Variants in FGF12 observed in about 807,000 individuals in gnomAD.
FGF12 encodes the protein fibroblast growth factor 12, also known as fibroblast growth factor 12B.
Under a neutral mutation model 23.6 loss-of-function variants are expected in FGF12, and 14 were observed. That is an observed-to-expected ratio of 0.59 (90% CI 0.39 to 0.93). FGF12 has a LOEUF of 0.93. Ranked by LOEUF, FGF12 falls within the 40% of genes least tolerant of loss-of-function variation. The probability of loss-of-function intolerance (pLI) is 0.00; values close to 1 mark genes in which losing one functional copy is unlikely to be tolerated. For missense variants in FGF12, 175 were observed against 217.8 expected (o/e 0.80, Z 1.24); for synonymous variants, 62 against 77.3 (o/e 0.80, Z 1.04).
chr3:192,356,539 C>G (rs958966575), intron 3 of FGF12, among the ~76,000 whole-genome samples: 1 of 152,136 alleles, frequency 6.6e-6, no homozygotes, highest in African/African-American at 2.4e-5. Context: ...CAGTTTTGTG[C>G]TTTTTATCAT....
In FGF12 at chr3:192,198,856, A is replaced by G. The variant is rs564580580; in HGVS notation, c.229-28200T>C. Among the ~76,000 whole-genome samples the G allele has an allele frequency of 8.5e-5, 13 of 152,354 alleles. No homozygotes were observed. The South Asian group carries it at 2.3e-3, about 27-fold the overall frequency. Reference sequence around the variant, plus strand: ...TGTTTACTCAGCTTCTCTGGACACTACCAGAGACACAGCTCTTAGTGGCTT... The same window carrying G: ...TGTTTACTCAGCTTCTCTGGACACTGCCAGAGACACAGCTCTTAGTGGCTT... On this transcript the variant is annotated intron_variant, in intron 4 of 5. Transcript: ENST00000445105.
intron 2 of FGF12, among the ~76,000 whole-genome samples, chr3:192,484,439 T>C (rs913332794): frequency 3.3e-5 from 5 of 152,062 alleles, no homozygotes; most frequent in Non-Finnish European, 7.4e-5. Flanking sequence ...TGATAAAATA[T>C]GCTGATTACA....
At chr3:192,185,371 T>C (rs1464974065) in intron 4 of FGF12, among the ~76,000 whole-genome samples, 1 of 152,194 alleles carries the variant, frequency 6.6e-6, no homozygotes, top group South Asian at 2.1e-4. Context: ...AGCTAATGAA[T>C]GGAGGAGTCT....
intron 2 of FGF12, among the ~76,000 whole-genome samples, chr3:192,546,813 G>A (rs1201117228): frequency 6.6e-6 from 1 of 152,218 alleles, no homozygotes; most frequent in Non-Finnish European, 1.5e-5. Context: ...ACTTTGGGAG[G>A]CTGAGGTGGG....
At position 192,378,019 on chromosome 3, in the gene FGF12, CTCTTTCTTTTCTTTCTTTCTT is replaced by C. The variant is rs1560091585; in HGVS notation, c.14-17502_14-17482del. 1.1e-4 allele frequency among the ~76,000 whole-genome samples: 9 copies of C among 81,506 alleles called. 2 individuals carry two copies. The highest frequency in any genetic ancestry group is 5.2e-4 in the African/African-American group (9 of 17,272). The allele number at this position is 81,506 out of a possible 152,430, so 53.5% of individuals were successfully genotyped here. ...ATTAGACGAGATCCCTTTCTTCTGA[CTCTTTCTTTTCTTTCTTTCTT>C]TCTTTCTTTCTTTCTTTCTTTCTTT... On this transcript the variant is annotated intron_variant, in intron 2 of 5. Coordinates refer to ENST00000445105, the MANE Select transcript of FGF12 (RefSeq NM_004113.6).
chr3:192,509,834 T>TAACTGAAAACAGGCTTC (rs1202919606), intron 2 of FGF12, among the ~76,000 whole-genome samples: 1 of 152,226 alleles, frequency 6.6e-6, no homozygotes, highest in Non-Finnish European at 1.5e-5. Context: ...TAGAGCATTT[T>TAACTGAAAACAGGCTTC]AACTGAAAAC....
At chr3:192,534,292 G>A (rs188891279) in intron 2 of FGF12, among the ~76,000 whole-genome samples, 14 of 152,084 alleles carry the variant, frequency 9.2e-5, no homozygotes, top group Non-Finnish European at 1.8e-4. Context: ...CTCAGGAAAT[G>A]TGAGTTTTTA....
At chr3:192,321,475 C>A (rs1716531626) in intron 4 of FGF12, among the ~76,000 whole-genome samples, 1 of 138,062 alleles carries the variant, frequency 7.2e-6, no homozygotes, top group African/African-American at 2.7e-5. Flanking sequence ...CCCCTGATAC[C>A]AAAACCTGAT....
intron 2 of FGF12, among the ~76,000 whole-genome samples, chr3:192,493,504 C>T (rs996842653): frequency 1.3e-5 from 2 of 152,100 alleles, no homozygotes; most frequent in South Asian, 2.1e-4. Context: ...AGAATGTATT[C>T]GTCAGGACTT....
At chr3:192,708,794 C>T (rs1253713669) in intron 2 of FGF12, among the ~76,000 whole-genome samples, 1 of 152,088 alleles carries the variant, frequency 6.6e-6, no homozygotes, top group African/African-American at 2.4e-5. Flanking sequence ...ACAATCTAAG[C>T]ATTTGTGGAA....
In FGF12 at chr3:192,142,951, A is replaced by T. The variant is rs1713481927; in HGVS notation, c.*1058T>A. The T allele has an allele frequency of 6.6e-6, 1 of 152,088 alleles. No individual in the cohort carries two copies. The highest frequency in any genetic ancestry group is 1.5e-5 in the Non-Finnish European group (1 of 67,984). The allele number at this position is 152,088 out of a possible 1,614,324, so 9.4% of individuals were successfully genotyped here. A position where few individuals can be genotyped will look rare whatever the true frequency, so the allele number is the denominator to read the frequency against. ...TGTGGTAAGGTACAAACGCAAATGC[A>T]ATTTGCGTTGACTAATTTCCTAGGA... On this transcript the variant is annotated 3_prime_UTR_variant, in exon 6 of 6. Coordinates refer to ENST00000445105, the MANE Select transcript of FGF12 (RefSeq NM_004113.6).
chr3:192,424,587 C>A (rs1358314597), intron 2 of FGF12, among the ~76,000 whole-genome samples: 1 of 152,092 alleles, frequency 6.6e-6, no homozygotes, highest in Non-Finnish European at 1.5e-5. Flanking sequence ...CAACTCAGTG[C>A]TAGAGTATTC....
In FGF12 at chr3:192,671,754, A is replaced by T. The variant is rs901678562; in HGVS notation, c.13+55427T>A. Among the ~76,000 whole-genome samples, 4 of 150,960 alleles carry T rather than the reference A, an allele frequency of 2.6e-5. No homozygotes were observed. In the South Asian group the frequency reaches 6.3e-4, roughly 24 times the overall value. ...TGCGGTGAAGTGGAGGCATTCAATA[A>T]AGCATCTTGTGCTTCTTGACCAACA... On this transcript the variant is annotated intron_variant, in intron 2 of 5. Transcript: ENST00000445105.
intron 2 of FGF12, among the ~76,000 whole-genome samples, chr3:192,628,499 A>G (rs944821394): frequency 5.8e-5 from 6 of 102,720 alleles, no homozygotes; most frequent in East Asian, 3.0e-4. Context: ...ACATATATGT[A>G]TATATATATT....
chr3:192,616,049 T>G (rs1714743955), intron 2 of FGF12, among the ~76,000 whole-genome samples: 1 of 152,098 alleles, frequency 6.6e-6, no homozygotes, highest in Admixed American at 6.6e-5. Context: ...AATTTTTTTC[T>G]TAAAATCTAA....
In FGF12 at chr3:192,167,766, TATAA is replaced by T. The variant is rs1223236622; in HGVS notation, c.427+2688_427+2691del. ...ATATATATATATATATATATATATA[TATAA>T]AATTTTTTTTTTTTTTTTTTTTTGA... is the stretch of plus-strand genomic sequence containing the variant. On this transcript the variant is annotated intron_variant, in intron 5 of 5. Coordinates refer to ENST00000445105, the MANE Select transcript of FGF12 (RefSeq NM_004113.6). Among the ~76,000 whole-genome samples, 90 of 31,246 alleles carry T rather than the reference TATAA, an allele frequency of 2.9e-3. 5 individuals carry two copies. The East Asian group carries it at 0.047, about 16-fold the overall frequency. 20.5% of individuals were successfully genotyped at this position (31,246 alleles called of 152,430 possible).
At chr3:192,483,433 A>T (rs574912846) in intron 2 of FGF12, among the ~76,000 whole-genome samples, 1 of 152,328 alleles carries the variant, frequency 6.6e-6, no homozygotes, top group East Asian at 1.9e-4. Flanking sequence ...CGTAAAAAAA[A>T]TGTCTAATGT....
intron 4 of FGF12, among the ~76,000 whole-genome samples, chr3:192,253,136 A>C (rs757142339): frequency 2.0e-5 from 3 of 152,096 alleles, no homozygotes; most frequent in Admixed American, 2.0e-4. Flanking sequence ...CTGGATGAGG[A>C]GATATGGTTT....
intron 2 of FGF12, among the ~76,000 whole-genome samples, chr3:192,550,609 A>C (rs192188840): frequency 6.6e-6 from 1 of 152,008 alleles, no homozygotes; most frequent in Non-Finnish European, 1.5e-5. Flanking sequence ...CGTTTCAGAC[A>C]AAGAGAAAAT....
Sources: allele counts gnomAD v4.1 joint callset (sites outside exome capture counted in the v4.1 genomes callset), GRCh38; gene constraint gnomAD v4.1.1; transcripts MANE v1.5; gene names NCBI Gene and HGNC (gene_info 2026-07-23, HGNC 2026-07-21).